Variants in ATG9A observed in about 807,000 individuals in gnomAD.
ATG9A encodes the protein autophagy related 9A.
Under a neutral mutation model 87.1 loss-of-function variants are expected in ATG9A, and 21 were observed. That is an observed-to-expected ratio of 0.24 (90% CI 0.17 to 0.35). The LOEUF is 0.35. Ranked by LOEUF, ATG9A falls within the 10% of genes least tolerant of loss-of-function variation. The probability of loss-of-function intolerance (pLI) is 1.00; values close to 1 mark genes in which losing one functional copy is unlikely to be tolerated. For synonymous variants in ATG9A, 422 were observed against 441.3 expected, an observed-to-expected ratio of 0.96 and a Z score of 0.55; for missense variants, 836 against 1,107.3, an observed-to-expected ratio of 0.76 and a Z score of 3.48.
In ATG9A at chr2:219,225,478, G is replaced by C. The variant is rs746070247; in HGVS notation, c.307C>G (p.His103Asp). 1.9e-6 allele frequency: 3 copies of C among 1,614,182 alleles called. No individual in the cohort carries two copies. The South Asian group carries it at 3.3e-5, about 18-fold the overall frequency. Residue 103 changes from histidine (H) to aspartate (D), a missense_variant, in exon 6 of 16, where the codon CAC becomes GAC. Physicochemically the swap from His to Asp is moderately conservative, Grantham distance 81. Coordinates refer to ENST00000361242, the MANE Select transcript of ATG9A (RefSeq NM_001077198.3). ...FANKMVNHSL[H>D]PTEPVKVTLP... ...GTGACCTTGACGGGTTCAGTAGGGT[G>C]AAGACTGTGGTTCACCATCTTGTTG...
chr2:219,220,976 G>A, intron 14 of ATG9A, 84 bp from the exon 15 acceptor site: 2 of 1,593,626 alleles, frequency 1.3e-6, no homozygotes, highest in African/African-American at 1.3e-5. Context: ...TGGGGGGTGA[G>A]TCTTTGGGCC....
At position 219,226,861 on chromosome 2, in the gene ATG9A, A is replaced by G. The variant is rs755101330; in HGVS notation, c.212+8T>C. The G allele has an allele frequency of 1.2e-6, 2 of 1,608,530 alleles. No individual in the cohort carries two copies. The highest frequency in any genetic ancestry group is 3.3e-5 in the Admixed American group (2 of 60,024). On this transcript the variant is annotated splice_region_variant and intron_variant, in intron 5 of 15. Coordinates refer to ENST00000361242, the MANE Select transcript of ATG9A (RefSeq NM_001077198.3). ...TTCACCACATCATCTGTCCCTTCTT[A>G]TACTTACATGAGCTCAAAGATCTCC...
At position 219,225,217 on chromosome 2, in the gene ATG9A, T is replaced by TG; in HGVS notation, c.375-6dup. 1 of 1,613,592 alleles carries TG rather than the reference T, an allele frequency of 6.2e-7. No homozygotes were observed. Among genetic ancestry groups the TG allele is most frequent in the Non-Finnish European group, 8.5e-7 (1 of 1,179,810 alleles). On this transcript the variant is annotated splice_region_variant and splice_polypyrimidine_tract_variant and intron_variant, in intron 6 of 15. Transcript: ENST00000361242. Reference sequence around the variant, plus strand: ...AGGGAGCCATTTTCCTGAATCCTGGTGGGGAAAAAGAAGGGGAGGAGAGGT... The same window carrying TG: ...AGGGAGCCATTTTCCTGAATCCTGGTGGGGGAAAAAGAAGGGGAGGAGAGGT...
Position 219,224,972 on chromosome 2 carries a change from T to G in ATG9A, c.516+99A>C. ...GTGAGCTTAAGAGACAGTTCCTGAT[T>G]TGTCAATGACAGATAAGGATAACTG... On this transcript the variant is annotated intron_variant, in intron 7 of 15. Transcript: ENST00000361242. This position sits in a 1 kb window ranked among gnomAD's most constrained non-coding sequence, Gnocchi z 7.7. 3 of 1,574,250 alleles carry G rather than the reference T, an allele frequency of 1.9e-6. No homozygotes were observed. Among genetic ancestry groups the G allele is most frequent in the Non-Finnish European group, 2.6e-6 (3 of 1,150,280 alleles).
rs546765729 is a variant in ATG9A at position 219,222,544 on chromosome 2, C to G, written c.1849-94G>C. The G allele has an allele frequency of 6.3e-7, 1 of 1,577,466 alleles. No individual in the cohort carries two copies. The highest frequency in any genetic ancestry group is 1.3e-5 in the African/African-American group (1 of 74,328). ...GTATCTCAGGCCCCAGTGGCACATA[C>G]TGAAGAGACAGCAGGAAGCCTTCCA... On this transcript the variant is annotated intron_variant, in intron 11 of 15. Coordinates refer to ENST00000361242, the MANE Select transcript of ATG9A (RefSeq NM_001077198.3). The surrounding 1 kb of genome is among the most constrained non-coding windows in gnomAD (Gnocchi z 4.3).
chr2:219,224,763 AGCTCAC>A lies in ATG9A; in HGVS notation c.602_607del (p.Arg201_Glu202del). ...GCGGTGGTAGATGTCCAGTTCTGTC[AGCTCAC>A]GTTTGTGGATGCAGATCTGGTGCTC... is the stretch of plus-strand genomic sequence containing the variant. On this transcript the variant is annotated inframe_deletion, in exon 8 of 16. Coordinates refer to ENST00000361242, the MANE Select transcript of ATG9A (RefSeq NM_001077198.3). The surrounding 1 kb of genome is among the most constrained non-coding windows in gnomAD (Gnocchi z 7.7). 1.2e-6 allele frequency: 2 copies of A among 1,614,238 alleles called. No individual in the cohort carries two copies. Among genetic ancestry groups the A allele is most frequent in the Non-Finnish European group, 1.7e-6 (2 of 1,180,050 alleles).
At position 219,220,816 on chromosome 2, in the gene ATG9A, C is replaced by A. The variant is rs765974039; in HGVS notation, c.2445G>T (p.Ser815=). The A allele has an allele frequency of 1.2e-6, 2 of 1,613,296 alleles. No homozygotes were observed. Among genetic ancestry groups the A allele is most frequent in the Admixed American group, 3.3e-5 (2 of 59,970 alleles). ...GCACGGGCTCAGGGTGCCTTGATGC[C>A]GACTGCCCATCTTCTGCCCACCCTC... ...PLGGWAEDGQ[S]ASRHPEPVPE... The change falls in exon 15 of 16, where the codon TCG becomes TCT. Residue 815 remains serine, a synonymous_variant. Coordinates refer to ENST00000361242, the MANE Select transcript of ATG9A (RefSeq NM_001077198.3).
chr2:219,224,351 G>C lies in ATG9A; in HGVS notation c.1020C>G (p.Leu340=). 12 of 1,613,734 alleles carry C rather than the reference G, an allele frequency of 7.4e-6. No individual in the cohort carries two copies. The highest frequency in any genetic ancestry group is 9.3e-6 in the Non-Finnish European group (11 of 1,180,032). ...CGTGCTCCAGCTCGTTGAAGTGGCG[G>C]AGGTAGCAGCGGCCATAGAGTGACC... is the stretch of plus-strand genomic sequence containing the variant. The part of the protein sequence containing the change: ...RCWSLYGRCY[L]RHFNELEHEL... The change falls in exon 8 of 16, where the codon CTC becomes CTG. Residue 340 remains leucine (L), a synonymous_variant. Coordinates refer to ENST00000361242, the MANE Select transcript of ATG9A (RefSeq NM_001077198.3). This position sits in a 1 kb window ranked among gnomAD's most constrained non-coding sequence, Gnocchi z 7.7.
At position 219,224,448 on chromosome 2, in the gene ATG9A, T is replaced by C; in HGVS notation, c.923A>G (p.Gln308Arg). 1 of 1,614,080 alleles carries C rather than the reference T, an allele frequency of 6.2e-7. No individual in the cohort carries two copies. The highest frequency in any genetic ancestry group is 8.5e-7 in the Non-Finnish European group (1 of 1,179,996). Residue 308 changes from glutamine (Q) to arginine (R), a missense_variant, in exon 8 of 16, where the codon CAA becomes CGA. Gln to Arg is a conservative substitution (Grantham distance 43). Around this residue, in one of 2 missense-constraint regions of ATG9A, gnomAD observed 512 missense variants for 759.6 expected, o/e 0.67. Transcript: ENST00000361242. The surrounding 1 kb of genome is among the most constrained non-coding windows in gnomAD (Gnocchi z 7.7). ...ATAGCTGAAGAAGGCATAGAGGATT[T>C]GCCATATGAGGATGAGGGGGCACAG... The part of the protein sequence containing the change: ...FLLCPLILIW[Q>R]ILYAFFSYAE...
rs1950952913 is a variant in ATG9A, at chr2:219,229,353, C to A, written c.-82+182G>T. 1.3e-5 allele frequency: 2 copies of A among 151,528 alleles called. No homozygotes were observed. Among genetic ancestry groups the A allele is most frequent in the Non-Finnish European group, 3.0e-5 (2 of 67,774 alleles). The allele number at this position is 151,528 out of a possible 1,614,324, so 9.4% of individuals were successfully genotyped here. A position where few individuals can be genotyped will look rare whatever the true frequency, so the allele number is the denominator to read the frequency against. On this transcript the variant is annotated intron_variant, in intron 1 of 15. Coordinates refer to ENST00000361242, the MANE Select transcript of ATG9A (RefSeq NM_001077198.3). The surrounding 1 kb of genome is among the most constrained non-coding windows in gnomAD (Gnocchi z 4.2). ...CGGACAACCTCGCGCGCGGCCCCGG[C>A]GCCCGCGCGCGCCCCCGTCTGCGCG...
chr2:219,220,919 A>T (rs759037242), intron 14 of ATG9A, 27 bp from the exon 15 acceptor site: 2 of 1,611,318 alleles, frequency 1.2e-6, no homozygotes, highest in Non-Finnish European at 1.7e-6. Context: ...GAGTAAGCAT[A>T]CTCATAGAAG....
intron 14 of ATG9A, 61 bp from the exon 15 acceptor site, chr2:219,220,953 C>G: frequency 1.2e-6 from 2 of 1,600,138 alleles, no homozygotes; most frequent in African/African-American, 1.3e-5. Flanking sequence ...AGGAACAGGG[C>G]TGGGGGGCTG....
chr2:219,221,321 C>T lies in ATG9A; in HGVS notation c.2146-19G>A, dbSNP rs143814114. The stretch of plus-strand genomic sequence containing the variant: ...TGTGGAGCTGGAGAAATGGGGGGCT[C>T]GTTAGTGGGGGACAGACGGATGTCC... On this transcript the variant is annotated intron_variant, in intron 13 of 15. Transcript: ENST00000361242. 23,724 of 1,536,928 alleles carry T rather than the reference C, an allele frequency of 0.015. 433 individuals carry two copies. The highest frequency in any genetic ancestry group is 0.071 in the South Asian group (5,633 of 79,332).
At chr2:219,220,712 T>G in intron 15 of ATG9A, 35 bp downstream of exon 15, 1 of 1,604,152 alleles carries the variant, frequency 6.2e-7, no homozygotes, top group Non-Finnish European at 8.5e-7. Flanking sequence ...AAGTTACTAT[T>G]TCTGGCAGTT....
chr2:219,225,466 G>T lies in ATG9A; in HGVS notation c.319C>A (p.Pro107Thr). ...GCGTCTGGCAGAGTGACCTTGACGG[G>T]TTCAGTAGGGTGAAGACTGTGGTTC... ...MVNHSLHPTE[P>T]VKVTLPDAFL... The change falls in exon 6 of 16, where the codon CCC becomes ACC. Residue 107 changes from proline to threonine, a missense_variant. Around this residue, in one of 2 missense-constraint regions of ATG9A, gnomAD observed 512 missense variants for 759.6 expected, o/e 0.67. Transcript: ENST00000361242. The T allele has an allele frequency of 6.2e-7, 1 of 1,614,204 alleles. No individual in the cohort carries two copies. The highest frequency in any genetic ancestry group is 8.5e-7 in the Non-Finnish European group (1 of 1,180,038).
In ATG9A at chr2:219,229,519, C is replaced by A. The variant is rs1950962086; in HGVS notation, c.-82+16G>T. 1 of 152,634 alleles carries A rather than the reference C, an allele frequency of 6.6e-6. No homozygotes were observed. The highest frequency in any genetic ancestry group is 2.1e-4 in the South Asian group (1 of 4,836). 9.5% of individuals were successfully genotyped at this position (152,634 alleles called of 1,614,324 possible). The stretch of plus-strand genomic sequence containing the variant: ...ACACGGGGCCTGGGATTCCAATAAC[C>A]GGTCTCACGTCTTACCTCAGGAACA... On this transcript the variant is annotated intron_variant, in intron 1 of 15. Coordinates refer to ENST00000361242, the MANE Select transcript of ATG9A (RefSeq NM_001077198.3). This position sits in a 1 kb window ranked among gnomAD's most constrained non-coding sequence, Gnocchi z 4.2.
At position 219,221,269 on chromosome 2, in the gene ATG9A, G is replaced by C; in HGVS notation, c.2179C>G (p.Arg727Gly). The change falls in exon 14 of 16, where the codon CGG becomes GGG. Residue 727 changes from arginine to glycine, a missense_variant. Arg to Gly is a moderately radical substitution (Grantham distance 125). Coordinates refer to ENST00000361242, the MANE Select transcript of ATG9A (RefSeq NM_001077198.3). ...CTCTCCCGGCGGTGCCATACATGCC[G>C]CTCAGGTTCAGCCTGGGCCTGCTGC... ...HKQQAQAEPE[R>G]HVWHRRESDE... 1 of 1,570,224 alleles carries C rather than the reference G, an allele frequency of 6.4e-7. No individual in the cohort carries two copies. The highest frequency in any genetic ancestry group is 8.6e-7 in the Non-Finnish European group (1 of 1,158,954).
Position 219,229,262 on chromosome 2 carries a change from T to C in ATG9A, c.-82+273A>G, listed in dbSNP as rs934264186. On this transcript the variant is annotated intron_variant, in intron 1 of 15. Coordinates refer to ENST00000361242, the MANE Select transcript of ATG9A (RefSeq NM_001077198.3). This position sits in a 1 kb window ranked among gnomAD's most constrained non-coding sequence, Gnocchi z 4.2. ...TCCCCACACCCAGCCGCGGCGACCG[T>C]GGACCGGAGTCCACCTCGCCCCAGG... The C allele has an allele frequency of 2.6e-5, 4 of 151,846 alleles. No individual in the cohort carries two copies. The highest frequency in any genetic ancestry group is 9.7e-5 in the African/African-American group (4 of 41,362). 9.4% of individuals were successfully genotyped at this position (151,846 alleles called of 1,614,324 possible). A position where few individuals can be genotyped will look rare whatever the true frequency, so the allele number is the denominator to read the frequency against.
At position 219,228,057 on chromosome 2, in the gene ATG9A, C is replaced by A. The variant is rs780701671; in HGVS notation, c.-29-4G>T. 3.2e-6 allele frequency: 5 copies of A among 1,578,640 alleles called. No homozygotes were observed. In the East Asian group the frequency reaches 9.0e-5, roughly 28 times the overall value. ...GCCCCCTGTCCACCTTGACCACCTGCCAATAAGGAGGAAGAAGAGACCCTG... is the reference window on the plus strand; with the variant it reads ...GCCCCCTGTCCACCTTGACCACCTGACAATAAGGAGGAAGAAGAGACCCTG... On this transcript the variant is annotated splice_region_variant and splice_polypyrimidine_tract_variant and intron_variant, in intron 2 of 15. Transcript: ENST00000361242.
Sources: gnomAD v4.1 joint callset for allele counts on GRCh38, gnomAD v4.1.1 for gene constraint, gnomAD v4.1.1 regional missense constraint, Gnocchi (gnomAD v3.1) non-coding constraint, MANE v1.5 for transcripts, NCBI Gene and HGNC (gene_info 2026-07-23, HGNC 2026-07-21) for gene names.